Variants in CMPK1 observed in about 807,000 individuals in gnomAD.
CMPK1 encodes the protein UMP-CMP kinase.
CMPK1 carries 10 observed loss-of-function variants against 25.7 expected under a neutral mutation model. That is an observed-to-expected ratio of 0.39 (90% CI 0.24 to 0.66). The LOEUF (loss-of-function observed/expected upper bound fraction) is 0.66, where lower values mean the gene tolerates loss of function less well. Ranked by LOEUF, CMPK1 falls within the 30% of genes least tolerant of loss-of-function variation. The probability of loss-of-function intolerance (pLI) is 0.48; values close to 1 mark genes in which losing one functional copy is unlikely to be tolerated. For missense variants in CMPK1, 199 were observed against 280.5 expected, an observed-to-expected ratio of 0.71 and a Z score of 2.08; for synonymous variants, 106 against 101.5, an observed-to-expected ratio of 1.04 and a Z score of -0.27.
At chr1:47,344,615 C>T (rs1013318867) in intron 1 of CMPK1, among the ~76,000 whole-genome samples, 5 of 151,832 alleles carry the variant, frequency 3.3e-5, no homozygotes, top group African/African-American at 1.2e-4. Context: ...TCTCCTGCCT[C>T]AGCCTCCCAA....
At chr1:47,365,127 G>A (rs1450463796) in intron 1 of CMPK1, among the ~76,000 whole-genome samples, 1 of 152,096 alleles carries the variant, frequency 6.6e-6, no homozygotes, top group African/African-American at 2.4e-5. Context: ...TCTCTGCTAT[G>A]TTCCCTCTAT....
intron 1 of CMPK1, among the ~76,000 whole-genome samples, chr1:47,343,836 G>T (rs1056616479): frequency 1.3e-5 from 2 of 148,778 alleles, no homozygotes; most frequent in Non-Finnish European, 3.0e-5. Context: ...GCGGTGAGCC[G>T]AGATCGCGCC....
intron 2 of CMPK1, among the ~76,000 whole-genome samples, chr1:47,371,681 A>G (rs1016190503): frequency 3.5e-4 from 53 of 152,092 alleles, no homozygotes; most frequent in African/African-American, 1.1e-3. Context: ...CTCTCATTTC[A>G]TATGTTTCTT....
rs548486141 is a variant in CMPK1, at chr1:47,358,622, T to C, written c.172-9847T>C. On this transcript the variant is annotated intron_variant, in intron 1 of 5. Coordinates refer to ENST00000371873, the MANE Select transcript of CMPK1 (RefSeq NM_016308.3). ...GGGTTGTGACAGAGTTATAAAACTT[T>C]AGTTTTAGTTATAAAACCTTAAGCA... 158 of 990,864 alleles carry C rather than the reference T, an allele frequency of 1.6e-4. No homozygotes were observed. In the African/African-American group the frequency reaches 2.5e-3, roughly 16 times the overall value. The allele number at this position is 990,864 out of a possible 1,614,324, so 61.4% of individuals were successfully genotyped here. A position where few individuals can be genotyped will look rare whatever the true frequency, so the allele number is the denominator to read the frequency against.
chr1:47,358,598 G>A, intron 1 of CMPK1: 3 of 990,926 alleles, frequency 3.0e-6, no homozygotes, highest in Non-Finnish European at 3.6e-6. Flanking sequence ...TGTCACACTG[G>A]GTTGTGACAG....
chr1:47,371,173 T>C (rs1227488254), intron 2 of CMPK1, among the ~76,000 whole-genome samples: 1 of 152,162 alleles, frequency 6.6e-6, no homozygotes, highest in East Asian at 1.9e-4. Context: ...TGGTTGGAAC[T>C]AAAGACATTG....
At position 47,354,637 on chromosome 1, in the gene CMPK1, G is replaced by A. The variant is rs549353137; in HGVS notation, c.172-13832G>A. ...TTTTTTTGCTTAGCAGTGTATCTTG[G>A]AGAGCGTTCCATATCGGAACATACA... On this transcript the variant is annotated intron_variant, in intron 1 of 5. Transcript: ENST00000371873. Among the ~76,000 whole-genome samples, 3 of 140,264 alleles carry A rather than the reference G, an allele frequency of 2.1e-5. No homozygotes were observed. The South Asian group carries it at 6.8e-4, about 32-fold the overall frequency. 92.0% of individuals were successfully genotyped at this position (140,264 alleles called of 152,430 possible).
chr1:47,353,619 TCTTATC>T (rs1646537338), intron 1 of CMPK1, among the ~76,000 whole-genome samples: 7 of 152,320 alleles, frequency 4.6e-5, no homozygotes, highest in Admixed American at 4.6e-4. Flanking sequence ...ATATTGGGAT[TCTTATC>T]CTTACTTCAT....
At chr1:47,365,317 G>A (rs565161007) in intron 1 of CMPK1, among the ~76,000 whole-genome samples, 1 of 141,708 alleles carries the variant, frequency 7.1e-6, no homozygotes, top group South Asian at 2.2e-4. Flanking sequence ...TCTGAATTTA[G>A]GAGAGATGCA....
intron 1 of CMPK1, among the ~76,000 whole-genome samples, chr1:47,347,548 A>G (rs115660085): frequency 0.016 from 2,461 of 152,292 alleles, 75 homozygotes; most frequent in African/African-American, 0.056. Context: ...TATCACAGCA[A>G]TAGCCCATAA....
intron 1 of CMPK1, among the ~76,000 whole-genome samples, chr1:47,352,313 T>G (rs1349492964): frequency 2.0e-5 from 3 of 152,194 alleles, no homozygotes. Flanking sequence ...GGTATTTCTT[T>G]AAAGTAAAAT....
rs141258889 is a variant in CMPK1 at position 47,347,627 on chromosome 1, T to G, written c.171+13511T>G. On this transcript the variant is annotated intron_variant, in intron 1 of 5. Transcript: ENST00000371873. Reference sequence around the variant, plus strand: ...ATGATCTTTTTGTTGTTGTTGTTTTTGGTTTTTGTTGTTGTTGAGACAGAG... The same window carrying G: ...ATGATCTTTTTGTTGTTGTTGTTTTGGGTTTTTGTTGTTGTTGAGACAGAG... Among the ~76,000 whole-genome samples, 952 of 152,082 alleles carry G rather than the reference T, an allele frequency of 6.3e-3. 9 individuals are homozygous for G. The highest frequency in any genetic ancestry group is 0.021 in the African/African-American group (872 of 41,474).
chr1:47,345,496 CTT>C (rs758503471), intron 1 of CMPK1, among the ~76,000 whole-genome samples: 18 of 142,710 alleles, frequency 1.3e-4, no homozygotes, highest in Admixed American at 1.4e-4. Context: ...AATTTAATTT[CTT>C]TTTTTTTTTT....
intron 1 of CMPK1, among the ~76,000 whole-genome samples, chr1:47,343,359 A>G (rs1570353623): frequency 6.6e-6 from 1 of 151,470 alleles, no homozygotes; most frequent in South Asian, 2.1e-4. Flanking sequence ...GCATTTTGGG[A>G]GCCAAGGCGG....
rs1200359982 is a variant in CMPK1, at chr1:47,333,845, GCGCCGGCTCAGCCCGCCCCTTTCTCC to G, written c.-95_-70del. ...AGCCACGGCGGCGGGGCCGCGGCGG[GCGCCGGCTCAGCCCGCCCCTTTCTCC>G]CGCCGCCTCCCCGCCCCGCCCCGCG... is the stretch of plus-strand genomic sequence containing the variant. On this transcript the variant is annotated 5_prime_UTR_variant, in exon 1 of 6. Transcript: ENST00000371873. 15 of 788,790 alleles carry G rather than the reference GCGCCGGCTCAGCCCGCCCCTTTCTCC, an allele frequency of 1.9e-5. No homozygotes were observed. Among genetic ancestry groups the G allele is most frequent in the South Asian group, 1.7e-4 (3 of 17,796 alleles). The allele number at this position is 788,790 out of a possible 1,614,324, so 48.9% of individuals were successfully genotyped here. A position where few individuals can be genotyped will look rare whatever the true frequency, so the allele number is the denominator to read the frequency against.
rs1646713477 is a variant in CMPK1, at chr1:47,377,175, A to G, written c.*430A>G. On this transcript the variant is annotated 3_prime_UTR_variant, in exon 6 of 6. Transcript: ENST00000371873. The stretch of plus-strand genomic sequence containing the variant: ...AATTTGTGGACCAAATTTCAAAGGA[A>G]CTTTTTGTGTAGTCAGTTCTTGCAC... 1 of 153,276 alleles carries G rather than the reference A, an allele frequency of 6.5e-6. No homozygotes were observed. The highest frequency in any genetic ancestry group is 2.4e-5 in the African/African-American group (1 of 41,510). 9.5% of individuals were successfully genotyped at this position (153,276 alleles called of 1,614,324 possible).
intron 1 of CMPK1, among the ~76,000 whole-genome samples, chr1:47,349,049 C>T (rs1426823552): frequency 6.6e-6 from 1 of 152,080 alleles, no homozygotes. Flanking sequence ...AAGGAGGAAG[C>T]AAAGGAAGCA....
chr1:47,339,741 T>C lies in CMPK1; in HGVS notation c.171+5625T>C, dbSNP rs1474241863. On this transcript the variant is annotated intron_variant, in intron 1 of 5. Coordinates refer to ENST00000371873, the MANE Select transcript of CMPK1 (RefSeq NM_016308.3). ...TTTTTTTTTTAAGACAGAGCCTTAC[T>C]CTGTCGCCCAGACGGGAGTGCAGTG... is the stretch of plus-strand genomic sequence containing the variant. Among the ~76,000 whole-genome samples the C allele has an allele frequency of 2.9e-5, 4 of 136,932 alleles. No homozygotes were observed. The East Asian group carries it at 9.4e-4, about 32-fold the overall frequency. 89.8% of individuals were successfully genotyped at this position (136,932 alleles called of 152,430 possible).
chr1:47,340,551 CAG>C (rs1646434142), intron 1 of CMPK1, among the ~76,000 whole-genome samples: 2 of 152,126 alleles, frequency 1.3e-5, no homozygotes, highest in South Asian at 2.1e-4. Flanking sequence ...AATTCTCAAA[CAG>C]AGCAGCATTC....
Sources: gnomAD v4.1 joint callset for allele counts (sites outside exome capture counted in the v4.1 genomes callset) on GRCh38, gnomAD v4.1.1 for gene constraint, MANE v1.5 for transcripts, NCBI Gene and HGNC (gene_info 2026-07-23, HGNC 2026-07-21) for gene names.